Variants in SUSD2 observed in about 807,000 individuals in gnomAD.
SUSD2 encodes the protein sushi domain-containing protein 2.
In SUSD2, 86 loss-of-function variants were observed where a neutral mutation model predicts 93.8. The observed-to-expected ratio is 0.92, with a 90% CI of 0.77 to 1.10. The LOEUF is 1.10. Ranked by LOEUF, SUSD2 falls within the 50% of genes least tolerant of loss-of-function variation. The pLI is 0.00. For synonymous variants in SUSD2, 483 were observed against 485.0 expected (o/e 1.00, Z 0.05); for missense variants, 1,060 against 1,137.0 (o/e 0.93, Z 0.97).
In SUSD2 at chr22:24,186,038, CT is replaced by C. The variant is rs2073706856; in HGVS notation, c.1365del (p.Phe455LeufsTer2). Reference sequence around the variant, plus strand: ...TAGCCTCCGCCTTCGGAGACCCACACTTTGTGACCTTCGACGGCACCAACTT... The same window carrying C: ...TAGCCTCCGCCTTCGGAGACCCACACTTGTGACCTTCGACGGCACCAACTT... ...RLASAFGDPH[F>X]VTFDGTNFTF... On this transcript the variant is annotated frameshift_variant, in exon 9 of 15. Transcript: ENST00000358321. LOFTEE classifies it high-confidence loss of function. The C allele has an allele frequency of 6.2e-7, 1 of 1,611,548 alleles. No individual in the cohort carries two copies.
At chr22:24,185,398 G>T in intron 6 of SUSD2, 88 bp from the exon 7 acceptor site, 1 of 1,535,688 alleles carries the variant, frequency 6.5e-7, no homozygotes, top group Middle Eastern at 1.9e-4. Flanking sequence ...GGGTGGGGCT[G>T]GGGTCTCAGG....
intron 12 of SUSD2, 36 bp downstream of exon 12, chr22:24,187,879 G>T (rs2047381121): frequency 6.2e-7 from 1 of 1,603,858 alleles, no homozygotes; most frequent in Non-Finnish European, 8.5e-7. Context: ...CGGGGAGCTG[G>T]GACAGGACCC....
chr22:24,185,733 C>G lies in SUSD2; in HGVS notation c.1143C>G (p.Ser381Arg). Residue 381 changes from serine to arginine, a missense_variant, in exon 8 of 15, where the codon AGC becomes AGG. This residue lies in a region of SUSD2 where 973 missense variants were observed against 1,005.3 expected (regional missense o/e 0.97). Transcript: ENST00000358321. ...CGCAGCTCCTGACAGCTGACTCCAG[C>G]GGCGGCAGCACTCCCGACCGCGGCC... is the stretch of plus-strand genomic sequence containing the variant. ...DGTQLLTADS[S>R]GGSTPDRGHD... 6.2e-7 allele frequency: 1 copy of G among 1,609,416 alleles called. No individual in the cohort carries two copies. Among genetic ancestry groups the G allele is most frequent in the Non-Finnish European group, 8.5e-7 (1 of 1,178,844 alleles).
Position 24,187,906 on chromosome 22 carries a change from G to C in SUSD2, c.2165-53G>C, listed in dbSNP as rs1485677633. ...ACAGGACCCCCCGGGGTGGCCAGAT[G>C]TGTGTATGCATGGCAGCTCAGGCCT... On this transcript the variant is annotated intron_variant, in intron 12 of 14. Coordinates refer to ENST00000358321, the MANE Select transcript of SUSD2 (RefSeq NM_019601.4). The C allele has an allele frequency of 1.9e-6, 3 of 1,606,126 alleles. No individual in the cohort carries two copies. In the East Asian group the frequency reaches 6.7e-5, roughly 36 times the overall value.
In SUSD2 at chr22:24,184,752, A is replaced by C. The variant is rs1034338225; in HGVS notation, c.608-14A>C. Reference sequence around the variant, plus strand: ...GAAGGAACCCCAGGGCTAACCAGGCATCCTCTCCCTCAGGAATGCCCTACT... The same window carrying C: ...GAAGGAACCCCAGGGCTAACCAGGCCTCCTCTCCCTCAGGAATGCCCTACT... On this transcript the variant is annotated splice_polypyrimidine_tract_variant and intron_variant, in intron 4 of 14. Coordinates refer to ENST00000358321, the MANE Select transcript of SUSD2 (RefSeq NM_019601.4). 2.6e-6 allele frequency: 4 copies of C among 1,562,654 alleles called. No homozygotes were observed. Among genetic ancestry groups the C allele is most frequent in the Non-Finnish European group, 8.7e-7 (1 of 1,153,814 alleles).
At chr22:24,187,027 C>A in intron 10 of SUSD2, 175 bp from the exon 11 acceptor site, 1 of 762,816 alleles carries the variant, frequency 1.3e-6, no homozygotes, top group Non-Finnish European at 2.1e-6. Flanking sequence ...CCACCGCAAG[C>A]ATGGCAGGGG....
chr22:24,187,149 A>AG, intron 10 of SUSD2, 53 bp from the exon 11 acceptor site: 1 of 1,578,228 alleles, frequency 6.3e-7, no homozygotes, highest in South Asian at 1.1e-5. Context: ...GGGCTGCGGG[A>AG]GGGGACAAGA....
rs144947720 is a variant in SUSD2 at position 24,188,292 on chromosome 22, C to T, written c.2409C>T (p.Leu803=). The T allele has an allele frequency of 7.6e-5, 122 of 1,605,212 alleles. No individual in the cohort carries two copies. Among genetic ancestry groups the T allele is most frequent in the Middle Eastern group, 1.7e-4 (1 of 6,048 alleles). ...TCGCGGTGGTGGCGGCGGTTGCGCT[C>T]GTCTATGTGCTGCTGCGCCGCAGGA... is the stretch of plus-strand genomic sequence containing the variant. ...GGLAVVAAVA[L]VYVLLRRRKG... The change falls in exon 14 of 15, where the codon CTC becomes CTT. Residue 803 remains leucine, a synonymous_variant. Coordinates refer to ENST00000358321, the MANE Select transcript of SUSD2 (RefSeq NM_019601.4). The surrounding 1 kb of genome is among the most constrained non-coding windows in gnomAD (Gnocchi z 4.7).
Position 24,184,188 on chromosome 22 carries a change from G to A in SUSD2, c.492G>A (p.Thr164=), listed in dbSNP as rs114247596. 1.9e-3 allele frequency: 3,089 copies of A among 1,613,264 alleles called. 12 individuals are homozygous for A. The highest frequency in any genetic ancestry group is 8.4e-3 in the Middle Eastern group (47 of 5,570). Residue 164 remains threonine (T), a synonymous_variant, in exon 4 of 15, where the codon ACG becomes ACA. Transcript: ENST00000358321. ...AGAAGAGCGAGTTGGTGAACGAGAC[G>A]CGTTGGCAATACTACGGCACCGCCA... The part of the protein sequence containing the change: ...MMEKSELVNE[T]RWQYYGTANT...
rs1342302704 is a variant in SUSD2, at chr22:24,187,315, G to A, written c.1756G>A (p.Glu586Lys). 6.2e-7 allele frequency: 1 copy of A among 1,614,110 alleles called. No homozygotes were observed. Among genetic ancestry groups the A allele is most frequent in the East Asian group, 2.2e-5 (1 of 44,868 alleles). ...PFLSVSVLLP[E>K]KFLTHTHGLL... ...CCTGAGTGTGTCCGTCCTGCTGCCTGAGAAGTTCCTCACCCACACCCACGG... is the reference window on the plus strand; with the variant it reads ...CCTGAGTGTGTCCGTCCTGCTGCCTAAGAAGTTCCTCACCCACACCCACGG... The change falls in exon 11 of 15, where the codon GAG (glutamate) becomes AAG (lysine). Residue 586 changes from glutamate to lysine, a missense_variant. Transcript: ENST00000358321.
intron 11 of SUSD2, 54 bp from the exon 12 acceptor site, chr22:24,187,517 C>T (rs1415737634): frequency 6.2e-7 from 1 of 1,603,424 alleles, no homozygotes; most frequent in Non-Finnish European, 8.5e-7. Context: ...ACGGGCAGGG[C>T]TTGGGGACCA....
In SUSD2 at chr22:24,184,941, G is replaced by C. The variant is rs747444233; in HGVS notation, c.782+1G>C. 1.2e-6 allele frequency: 2 copies of C among 1,613,546 alleles called. No homozygotes were observed. Among genetic ancestry groups the C allele is most frequent in the African/African-American group, 2.7e-5 (2 of 74,910 alleles). On this transcript the variant is annotated splice_donor_variant, in intron 5 of 14. Transcript: ENST00000358321. LOFTEE classifies it high-confidence loss of function. ...ACAGCAAAAATTACGCAGGGCAGAAGTAAGAAGGCATGGATGTGCAGGTGA... is the reference window on the plus strand; with the variant it reads ...ACAGCAAAAATTACGCAGGGCAGAACTAAGAAGGCATGGATGTGCAGGTGA...
At chr22:24,186,554 C>A in intron 10 of SUSD2, 139 bp downstream of exon 10, 1 of 1,044,386 alleles carries the variant, frequency 9.6e-7, no homozygotes, top group Non-Finnish European at 1.4e-6. Flanking sequence ...CTCAGGCCTT[C>A]ACACCCACCG....
chr22:24,186,903 C>T lies in SUSD2; in HGVS notation c.1643-299C>T, dbSNP rs750739341. 4.3e-4 allele frequency: 223 copies of T among 513,436 alleles called. 1 individual carries two copies. Among genetic ancestry groups the T allele is most frequent in the Non-Finnish European group, 7.3e-4 (206 of 282,712 alleles). 31.8% of individuals were successfully genotyped at this position (513,436 alleles called of 1,614,324 possible). A position where few individuals can be genotyped will look rare whatever the true frequency, so the allele number is the denominator to read the frequency against. On this transcript the variant is annotated intron_variant, in intron 10 of 14. Transcript: ENST00000358321. ...TCAGCACTGAGGGTTCAGGGACCCTCGGGACGTGCCCAGGCAGGTGTGGCT... is the reference window on the plus strand; with the variant it reads ...TCAGCACTGAGGGTTCAGGGACCCTTGGGACGTGCCCAGGCAGGTGTGGCT...
At position 24,185,523 on chromosome 22, in the gene SUSD2, G is replaced by T; in HGVS notation, c.1022G>T (p.Cys341Phe). 1 of 1,579,408 alleles carries T rather than the reference G, an allele frequency of 6.3e-7. No individual in the cohort carries two copies. The highest frequency in any genetic ancestry group is 2.3e-5 in the East Asian group (1 of 43,038). Reference sequence around the variant, plus strand: ...TGTGACATGGAGCAGGGCAGCGTGTGCACCTACCACCCCGGGGCCGTGCAC... The same window carrying T: ...TGTGACATGGAGCAGGGCAGCGTGTTCACCTACCACCCCGGGGCCGTGCAC... ...YGCDMEQGSV[C>F]TYHPGAVHCV... is the part of the protein sequence containing the mutation. The change falls in exon 7 of 15, where the codon TGC becomes TTC. Residue 341 changes from cysteine (C) to phenylalanine (F), a missense_variant. Physicochemically the swap from Cys to Phe is radical, Grantham distance 205. This residue lies in a region of SUSD2 where 973 missense variants were observed against 1,005.3 expected (regional missense o/e 0.97). Coordinates refer to ENST00000358321, the MANE Select transcript of SUSD2 (RefSeq NM_019601.4).
At chr22:24,183,288 G>C in intron 2 of SUSD2, 21 bp downstream of exon 2, 1 of 1,599,552 alleles carries the variant, frequency 6.3e-7, no homozygotes, top group Non-Finnish European at 8.5e-7. Flanking sequence ...CCAGGAGGCC[G>C]GGCACTGGGG....
rs777399499 is a variant in SUSD2, at chr22:24,186,059, C to T, written c.1383C>T (p.Thr461=). The change falls in exon 9 of 15, where the codon ACC becomes ACT. Residue 461 remains threonine (T), a synonymous_variant. Coordinates refer to ENST00000358321, the MANE Select transcript of SUSD2 (RefSeq NM_019601.4). ...GDPHFVTFDG[T]NFTFNGRGEY... ...CACACTTTGTGACCTTCGACGGCAC[C>T]AACTTCACATTCAATGGGCGCGGAG... 6.2e-7 allele frequency: 1 copy of T among 1,612,450 alleles called. No individual in the cohort carries two copies. Among genetic ancestry groups the T allele is most frequent in the South Asian group, 1.1e-5 (1 of 91,038 alleles).
intron 6 of SUSD2, 67 bp downstream of exon 6, chr22:24,185,362 G>C: frequency 1.3e-6 from 2 of 1,561,424 alleles, no homozygotes; most frequent in Non-Finnish European, 1.7e-6. Context: ...GACAGCACCA[G>C]GGGAGGCAGA....
intron 10 of SUSD2, 85 bp downstream of exon 10, chr22:24,186,500 T>A: frequency 6.7e-7 from 1 of 1,501,180 alleles, no homozygotes; most frequent in Admixed American, 1.9e-5. Flanking sequence ...GCCCTGGGCC[T>A]TCATGCCTCT....
Sources: gnomAD v4.1 joint callset for allele counts on GRCh38, gnomAD v4.1.1 for gene constraint, gnomAD v4.1.1 regional missense constraint, Gnocchi (gnomAD v3.1) non-coding constraint, MANE v1.5 for transcripts, NCBI Gene and HGNC (gene_info 2026-07-23, HGNC 2026-07-21) for gene names.